Variants in AKAIN1 observed in about 807,000 individuals in gnomAD.
AKAIN1 encodes the protein A-kinase anchor inhibitor 1.
Under a neutral mutation model 3.7 loss-of-function variants are expected in AKAIN1, and 3 were observed. The ratio of observed to expected loss-of-function variants is 0.82; its 90% CI spans 0.37 to 2.12. The LOEUF (loss-of-function observed/expected upper bound fraction) is 2.12. Among genes scored for constraint, AKAIN1 ranks in the 30% most tolerant of loss-of-function variants. AKAIN1 has a pLI of 0.06. For missense variants in AKAIN1, 82 were observed against 82.7 expected, an observed-to-expected ratio of 0.99 and a Z score of 0.03; for synonymous variants, 31 against 30.8, an observed-to-expected ratio of 1.01 and a Z score of -0.02.
At chr18:5,179,601 G>C (rs1348916006) in intron 1 of AKAIN1, among the ~76,000 whole-genome samples, 1 of 152,060 alleles carries the variant, frequency 6.6e-6, no homozygotes, top group Non-Finnish European at 1.5e-5. Context: ...ACCCAGTAGT[G>C]GGATTGCTAG....
chr18:5,163,122 G>A (rs1445607538), intron 1 of AKAIN1, among the ~76,000 whole-genome samples: 1 of 152,002 alleles, frequency 6.6e-6, no homozygotes, highest in Non-Finnish European at 1.5e-5. Flanking sequence ...AGACCGTGAG[G>A]AAATTTGGTA....
chr18:5,166,521 C>T (rs912555630), intron 1 of AKAIN1, among the ~76,000 whole-genome samples: 3 of 151,998 alleles, frequency 2.0e-5, no homozygotes, highest in Non-Finnish European at 4.4e-5. Context: ...ATCCAATTCT[C>T]AGAGCCACCA....
intron 1 of AKAIN1, among the ~76,000 whole-genome samples, chr18:5,150,126 T>A (rs1168186574): frequency 2.6e-5 from 4 of 152,234 alleles, no homozygotes; most frequent in Admixed American, 2.6e-4. Context: ...TGGCAAAGCA[T>A]CCTGGAGAGC....
intron 1 of AKAIN1, among the ~76,000 whole-genome samples, chr18:5,154,228 T>C (rs1178187036): frequency 6.6e-6 from 1 of 151,994 alleles, no homozygotes; most frequent in Non-Finnish European, 1.5e-5. Context: ...AAATAATTGG[T>C]TTTCACCAGG....
At chr18:5,153,691 A>T (rs983321310) in intron 1 of AKAIN1, among the ~76,000 whole-genome samples, 3 of 152,262 alleles carry the variant, frequency 2.0e-5, no homozygotes, top group Admixed American at 2.0e-4. Context: ...GAGGATTTTC[A>T]AGACAGTGAA....
chr18:5,192,442 T>C (rs1598318245), intron 1 of AKAIN1, among the ~76,000 whole-genome samples: 1 of 129,230 alleles, frequency 7.7e-6, no homozygotes, highest in Non-Finnish European at 1.6e-5. Context: ...TCTTTCTTTC[T>C]TTCTTTTTCT....
At chr18:5,153,833 T>C (rs1248588118) in intron 1 of AKAIN1, among the ~76,000 whole-genome samples, 1 of 151,848 alleles carries the variant, frequency 6.6e-6, no homozygotes, top group Non-Finnish European at 1.5e-5. Context: ...TGTGTCAGTG[T>C]AGGTTTAACT....
chr18:5,145,204 G>T lies in AKAIN1; in HGVS notation c.*358C>A, dbSNP rs148905078. The T allele has an allele frequency of 6.5e-5, 12 of 185,474 alleles. No individual in the cohort carries two copies. Among genetic ancestry groups the T allele is most frequent in the Admixed American group, 2.2e-4 (4 of 18,310 alleles). 11.5% of individuals were successfully genotyped at this position (185,474 alleles called of 1,614,324 possible). A position where few individuals can be genotyped will look rare whatever the true frequency, so the allele number is the denominator to read the frequency against. ...CTGTATTCAGTATTTCAGCAAAAAG[G>T]CTGCTTGTTAAATTCACAGAAGGAA... On this transcript the variant is annotated 3_prime_UTR_variant, in exon 2 of 2. Transcript: ENST00000434239.
intron 1 of AKAIN1, among the ~76,000 whole-genome samples, chr18:5,154,077 T>TA (rs1189134174): frequency 2.6e-5 from 4 of 152,078 alleles, no homozygotes; most frequent in African/African-American, 4.8e-5. Flanking sequence ...TATGAAAAAT[T>TA]AAAAAATAAA....
intron 1 of AKAIN1, among the ~76,000 whole-genome samples, chr18:5,190,506 GTTTTACTGGTGACGGAAACA>G (rs1403973230): frequency 6.6e-5 from 10 of 152,222 alleles, no homozygotes; most frequent in African/African-American, 1.9e-4. Context: ...TAACCATATA[GTTTTACTGGTGACGGAAACA>G]TTTAAAAAAG....
intron 1 of AKAIN1, among the ~76,000 whole-genome samples, chr18:5,167,051 C>T (rs1242399852): frequency 6.6e-6 from 1 of 152,020 alleles, no homozygotes; most frequent in African/African-American, 2.4e-5. Flanking sequence ...ATTTTTCACT[C>T]CTCATACTAA....
At chr18:5,165,598 T>C (rs1204429996) in intron 1 of AKAIN1, among the ~76,000 whole-genome samples, 1 of 152,002 alleles carries the variant, frequency 6.6e-6, no homozygotes, top group Non-Finnish European at 1.5e-5. Flanking sequence ...AATCAGATGA[T>C]AGAGAGCTTG....
chr18:5,188,057 A>G (rs1288372989), intron 1 of AKAIN1, among the ~76,000 whole-genome samples: 1 of 152,082 alleles, frequency 6.6e-6, no homozygotes, highest in Non-Finnish European at 1.5e-5. Context: ...TAAGTCCAAA[A>G]CCCAACAGAA....
chr18:5,169,241 G>C (rs2143344869), intron 1 of AKAIN1, among the ~76,000 whole-genome samples: 1 of 152,148 alleles, frequency 6.6e-6, no homozygotes, highest in South Asian at 2.1e-4. Context: ...CCCACGTTAT[G>C]GAGAGTCATA....
At chr18:5,197,402 G>T, upstream of AKAIN1, 2 of 1,248,620 alleles carry the variant, frequency 1.6e-6, no homozygotes, top group Non-Finnish European at 1.0e-6. The surrounding 1 kb of genome is among the most constrained non-coding windows in gnomAD (Gnocchi z 6.9). Flanking sequence ...AAGAGCAAGA[G>T]AGAGAAAGGT....
At chr18:5,193,282 C>T (rs1016828489) in intron 1 of AKAIN1, among the ~76,000 whole-genome samples, 1 of 152,086 alleles carries the variant, frequency 6.6e-6, no homozygotes, top group South Asian at 2.1e-4. Flanking sequence ...TCATACCTTG[C>T]CTAATTTTTA....
intron 1 of AKAIN1, among the ~76,000 whole-genome samples, chr18:5,194,370 C>A (rs183804094): frequency 7.0e-4 from 106 of 152,218 alleles, no homozygotes; most frequent in Non-Finnish European, 1.4e-3. Context: ...TGAAAAACAA[C>A]CCAAATACCC....
intron 1 of AKAIN1, among the ~76,000 whole-genome samples, chr18:5,173,890 C>CA (rs2071211265): frequency 6.6e-6 from 1 of 151,918 alleles, no homozygotes; most frequent in Non-Finnish European, 1.5e-5. Context: ...ATTGCAGCCG[C>CA]AAAAAGAGGG....
chr18:5,179,881 T>G (rs1432113517), intron 1 of AKAIN1, among the ~76,000 whole-genome samples: 1 of 152,262 alleles, frequency 6.6e-6, no homozygotes, highest in Middle Eastern at 3.4e-3. Context: ...TTTACGTACC[T>G]AAAAGGACAT....
Sources: gnomAD v4.1 joint callset for allele counts (sites outside exome capture counted in the v4.1 genomes callset) on GRCh38, gnomAD v4.1.1 for gene constraint, Gnocchi (gnomAD v3.1) non-coding constraint, MANE v1.5 for transcripts, NCBI Gene and HGNC (gene_info 2026-07-23, HGNC 2026-07-21) for gene names.